METTL21A: variants seen among roughly 807,000 people sequenced by gnomAD.
METTL21A encodes methyltransferase 21A, HSPA lysine.
Under a neutral mutation model 20.9 loss-of-function variants are expected in METTL21A, and 22 were observed. That is an observed-to-expected ratio of 1.05 (90% confidence interval 0.75 to 1.50). METTL21A has a LOEUF of 1.50. Ranked by LOEUF, METTL21A falls within the 40% of genes most tolerant of loss-of-function variation. METTL21A has a pLI of 0.00. For synonymous variants in METTL21A, 93 were observed against 102.0 expected (o/e 0.91, Z 0.53); for missense variants, 271 against 266.8 (o/e 1.02, Z -0.11).
At chr2:207,594,334 A>G (rs1375532700) in intron 3 of METTL21A, among the ~76,000 whole-genome samples, 1 of 152,154 alleles carries the variant, frequency 6.6e-6, no homozygotes, top group Non-Finnish European at 1.5e-5. Context: ...GAACTTGTTC[A>G]TCTTGCAAAA....
At chr2:207,603,129 A>G (rs1409517471) in intron 3 of METTL21A, 2 of 211,046 alleles carry the variant, frequency 9.5e-6, no homozygotes, top group Admixed American at 5.9e-5. Context: ...CATTTCTAAT[A>G]AAATTCCCTA....
chr2:207,604,464 T>C (rs138348185), downstream of METTL21A, among the ~76,000 whole-genome samples: 17 of 129,150 alleles, frequency 1.3e-4, no homozygotes, highest in African/African-American at 4.7e-4. Context: ...TCCTTCTTCT[T>C]AACTGTGCGT....
downstream of METTL21A, among the ~76,000 whole-genome samples, chr2:207,604,208 C>A (rs1329986155): frequency 1.3e-5 from 2 of 152,176 alleles, no homozygotes; most frequent in African/African-American, 4.8e-5. Flanking sequence ...ACTGAAGTGA[C>A]AAGACCATCC....
downstream of METTL21A, among the ~76,000 whole-genome samples, chr2:207,607,987 A>G (rs1295415722): frequency 6.6e-6 from 1 of 151,884 alleles, no homozygotes; most frequent in African/African-American, 2.4e-5. Context: ...TCTCACACAC[A>G]CCCCACACCT....
At chr2:207,622,400 A>C (rs2090605097) in intron 2 of METTL21A, among the ~76,000 whole-genome samples, 1 of 151,976 alleles carries the variant, frequency 6.6e-6, no homozygotes, top group African/African-American at 2.4e-5. Flanking sequence ...TGAACTCCTG[A>C]GCTCCTGCGT....
chr2:207,615,072 T>A (rs1199925710), intron 3 of METTL21A, among the ~76,000 whole-genome samples: 1 of 152,196 alleles, frequency 6.6e-6, no homozygotes, highest in Non-Finnish European at 1.5e-5. Flanking sequence ...AATGCTCAAG[T>A]TGTTAGATTT....
intron 3 of METTL21A, chr2:207,598,973 T>C (rs2086624980): frequency 5.4e-6 from 1 of 185,480 alleles, no homozygotes. Context: ...AACAACAAAA[T>C]ATGAAGATTT....
chr2:207,599,967 A>G (rs898274546), intron 3 of METTL21A: 32 of 192,148 alleles, frequency 1.7e-4, no homozygotes, highest in Non-Finnish European at 2.2e-5. Flanking sequence ...ACTTTTATCT[A>G]TAGGACAGAT....
chr2:207,613,202 A>C, exon 4 of METTL21A: 2 of 1,614,000 alleles, frequency 1.2e-6, no homozygotes, highest in Non-Finnish European at 1.7e-6. Flanking sequence ...AAAGAATCAC[A>C]GAGTGATTGC....
rs1195631581 is a variant in METTL21A at position 207,601,061 on chromosome 2, G to A, written c.260-18901C>T. Reference sequence around the variant, plus strand: ...TAGGGCTAATGTATCTTAAAGTTAAGATCTTGAATTAAAGTGAGTTTTAGA... The same window carrying A: ...TAGGGCTAATGTATCTTAAAGTTAAAATCTTGAATTAAAGTGAGTTTTAGA... On this transcript the variant is annotated intron_variant, in intron 3 of 3. Transcript: ENST00000425132. 2.1e-5 allele frequency: 4 copies of A among 187,892 alleles called. No individual in the cohort carries two copies. The East Asian group carries it at 3.4e-4, about 16-fold the overall frequency. The allele number at this position is 187,892 out of a possible 1,614,324, so 11.6% of individuals were successfully genotyped here.
chr2:207,598,741 G>A (rs2086582804), intron 3 of METTL21A: 2 of 165,002 alleles, frequency 1.2e-5, no homozygotes, highest in Non-Finnish European at 1.3e-5. Context: ...CAGCTACTCA[G>A]GAGGTTGAGG....
downstream of METTL21A, chr2:207,610,663 T>TG (rs1450433735): frequency 2.1e-4 from 2 of 9,694 alleles, no homozygotes; most frequent in African/African-American, 9.3e-4. Context: ...GGGAGGGAGG[T>TG]GGGGGGGGTC....
At chr2:207,581,450 A>T (rs907783577), downstream of METTL21A, 6 of 201,364 alleles carry the variant, frequency 3.0e-5, no homozygotes, top group African/African-American at 1.4e-4. Flanking sequence ...CAGGTTTTTT[A>T]AATTTATTAT....
At chr2:207,603,637 A>G (rs1302662461) in intron 3 of METTL21A, among the ~76,000 whole-genome samples, 1 of 152,216 alleles carries the variant, frequency 6.6e-6, no homozygotes, top group Non-Finnish European at 1.5e-5. Flanking sequence ...ATAAGATTGA[A>G]CAGTGCCTAT....
downstream of METTL21A, among the ~76,000 whole-genome samples, chr2:207,604,890 T>A (rs1360640575): frequency 6.6e-6 from 1 of 152,212 alleles, no homozygotes; most frequent in Non-Finnish European, 1.5e-5. Context: ...CATTGTAACA[T>A]GTTATCACTA....
chr2:207,593,419 G>C (rs1168744606), intron 3 of METTL21A, among the ~76,000 whole-genome samples: 1 of 152,140 alleles, frequency 6.6e-6, no homozygotes, highest in East Asian at 1.9e-4. Flanking sequence ...GGTCCCAGCT[G>C]CTGGGGAGGT....
At chr2:207,604,924 T>C (rs1234594561), downstream of METTL21A, among the ~76,000 whole-genome samples, 1 of 152,246 alleles carries the variant, frequency 6.6e-6, no homozygotes, top group East Asian at 1.9e-4. Flanking sequence ...TATAGCTAAG[T>C]ATACTTTTTA....
At chr2:207,600,779 C>G (rs937265314) in intron 3 of METTL21A, 3 of 210,076 alleles carry the variant, frequency 1.4e-5, no homozygotes, top group Non-Finnish European at 2.9e-5. Context: ...ATCTCTGTCT[C>G]TCAGGATAAA....
chr2:207,592,914 A>AAAAGAAAAAAAAAAAG (rs1483146047), intron 3 of METTL21A, among the ~76,000 whole-genome samples: 3 of 152,118 alleles, frequency 2.0e-5, no homozygotes, highest in Non-Finnish European at 2.9e-5. Flanking sequence ...TCCATCTCAA[A>AAAAGAAAAAAAAAAAG]AAAGAAAAGA....
Sources: gnomAD v4.1 joint callset for allele counts (sites outside exome capture counted in the v4.1 genomes callset) on GRCh38, gnomAD v4.1.1 for gene constraint, MANE v1.5 for transcripts, NCBI Gene and HGNC (gene_info 2026-07-23, HGNC 2026-07-21) for gene names.